Variants in OR7G2 observed in about 807,000 individuals in gnomAD.
The protein encoded by OR7G2 is olfactory receptor family 7 subfamily G member 2, also known as olfactory receptor 7G2.
For missense variants in OR7G2, 362 were observed against 384.0 expected (o/e 0.94, Z 0.48); for synonymous variants, 153 against 152.2 (o/e 1.01, Z -0.04).
At position 9,106,127 on chromosome 19, in the gene OR7G2, T is replaced by G. The variant is rs757231715; in HGVS notation, c.-17+1187A>C. Among the ~76,000 whole-genome samples the G allele has an allele frequency of 9.9e-5, 15 of 151,436 alleles. 1 individual carries two copies. Among genetic ancestry groups the G allele is most frequent in the African/African-American group, 2.2e-4 (9 of 41,226 alleles). ...CTACCCATCAGTCAACGATATAAGATTCACACAAGGCCAGGCGTGGTGGCT... is the reference window on the plus strand; with the variant it reads ...CTACCCATCAGTCAACGATATAAGAGTCACACAAGGCCAGGCGTGGTGGCT... On this transcript the variant is annotated intron_variant, in intron 1 of 1. Coordinates refer to ENST00000641081, the MANE Select transcript of OR7G2 (RefSeq NM_001005193.2).
Position 9,102,375 on chromosome 19 carries a change from T to C in OR7G2, c.869A>G (p.Tyr290Cys), listed in dbSNP as rs772683614. Residue 290 changes from tyrosine (Y) to cysteine (C), a missense_variant, in exon 2 of 2, where the codon TAT becomes TGT. Transcript: ENST00000641081. ...TTTCATGTCCTTATTCCTCAGACTA[T>C]AGATAAAGGGGTTCACCATTTGAGG... ...VFPQMVNPFI[Y>C]SLRNKDMKGT... is the part of the protein sequence containing the mutation. 2.1e-5 allele frequency: 34 copies of C among 1,613,684 alleles called. No individual in the cohort carries two copies. The highest frequency in any genetic ancestry group is 2.8e-5 in the Non-Finnish European group (33 of 1,179,730).
intron 1 of OR7G2, among the ~76,000 whole-genome samples, chr19:9,104,588 G>A (rs991339577): frequency 2.0e-5 from 3 of 151,990 alleles, no homozygotes; most frequent in Admixed American, 6.6e-5. Flanking sequence ...AGCACTTTGG[G>A]AGGCCGAGGC....
chr19:9,103,872 T>G (rs1204610273), intron 1 of OR7G2, among the ~76,000 whole-genome samples: 4 of 148,078 alleles, frequency 2.7e-5, no homozygotes, highest in African/African-American at 5.0e-5. Flanking sequence ...AAATGTTTTT[T>G]TTTTTTTTTT....
chr19:9,102,563 T>G lies in OR7G2; in HGVS notation c.681A>C (p.Arg227Ser). 1 of 1,614,192 alleles carries G rather than the reference T, an allele frequency of 6.2e-7. No homozygotes were observed. Among genetic ancestry groups the G allele is most frequent in the Non-Finnish European group, 8.5e-7 (1 of 1,180,032 alleles). Residue 227 changes from arginine (R) to serine (S), a missense_variant, in exon 2 of 2, where the codon AGA becomes AGC. By Grantham distance (110) the Arg-to-Ser change is moderately radical. Transcript: ENST00000641081. ...TGTGCTTTCCACTTGCTGATGGCAT[T>G]CTCAAAACACAGGAGGTGATCTGAG... ...SYTQITSCVL[R>S]MPSASGKHKA... is the part of the protein sequence containing the mutation.
In OR7G2 at chr19:9,102,625, C is replaced by A. The variant is rs770594493; in HGVS notation, c.619G>T (p.Gly207Cys). 6.2e-7 allele frequency: 1 copy of A among 1,614,150 alleles called. No individual in the cohort carries two copies. The highest frequency in any genetic ancestry group is 1.1e-5 in the South Asian group (1 of 91,078). ...ATGATTCCAGACAGAGGAACACCAC[C>A]AAATATGCAAGCTGCAAAATATATC... is the stretch of plus-strand genomic sequence containing the variant. Reference protein sequence around the residue: ...ILIYFAACIFGGVPLSGIILS... With the variant: ...ILIYFAACIFCGVPLSGIILS... Residue 207 changes from glycine to cysteine, a missense_variant, in exon 2 of 2, where the codon GGT becomes TGT. By Grantham distance (159) the Gly-to-Cys change is radical. Coordinates refer to ENST00000641081, the MANE Select transcript of OR7G2 (RefSeq NM_001005193.2).
chr19:9,106,442 T>A lies in OR7G2; in HGVS notation c.-17+872A>T, dbSNP rs2050386677. Among the ~76,000 whole-genome samples the A allele has an allele frequency of 3.1e-5, 4 of 127,752 alleles. No homozygotes were observed. The South Asian group carries it at 1.0e-3, about 33-fold the overall frequency. 83.8% of individuals were successfully genotyped at this position (127,752 alleles called of 152,430 possible). A position where few individuals can be genotyped will look rare whatever the true frequency, so the allele number is the denominator to read the frequency against. ...TGTGTCTCAAAAAAAAAAAAAAAAA[T>A]TCACACAATTCACCATCCTTGATTA... On this transcript the variant is annotated intron_variant, in intron 1 of 1. Coordinates refer to ENST00000641081, the MANE Select transcript of OR7G2 (RefSeq NM_001005193.2).
chr19:9,105,644 C>T (rs1285152465), intron 1 of OR7G2, among the ~76,000 whole-genome samples: 3 of 151,698 alleles, frequency 2.0e-5, no homozygotes, highest in South Asian at 2.1e-4. Context: ...GTCAGGAGTT[C>T]GAGACCAGCC....
chr19:9,105,421 G>A (rs1215354164), intron 1 of OR7G2, among the ~76,000 whole-genome samples: 1 of 152,178 alleles, frequency 6.6e-6, no homozygotes, highest in Admixed American at 6.5e-5. Flanking sequence ...TCCCTCTGAT[G>A]CAAGATTGGT....
rs2050357665 is a variant in OR7G2 at position 9,102,229 on chromosome 19, G to A, written c.*40C>T. ...AGAAAAAAACAAAACAAAACAAAGA[G>A]TCAGGCATTCTAGCTCACCAGGAAT... is the stretch of plus-strand genomic sequence containing the variant. On this transcript the variant is annotated 3_prime_UTR_variant, in exon 2 of 2. Transcript: ENST00000641081. 6.5e-7 allele frequency: 1 copy of A among 1,528,608 alleles called. No individual in the cohort carries two copies. The highest frequency in any genetic ancestry group is 8.8e-7 in the Non-Finnish European group (1 of 1,134,354). 94.7% of individuals were successfully genotyped at this position (1,528,608 alleles called of 1,614,324 possible).
chr19:9,103,318 A>G lies in OR7G2; in HGVS notation c.-16-59T>C, dbSNP rs760203258. 10 of 1,592,966 alleles carry G rather than the reference A, an allele frequency of 6.3e-6. No individual in the cohort carries two copies. In the South Asian group the frequency reaches 7.8e-5, roughly 12 times the overall value. On this transcript the variant is annotated intron_variant, in intron 1 of 1. Coordinates refer to ENST00000641081, the MANE Select transcript of OR7G2 (RefSeq NM_001005193.2). ...AGCTGCATCGGCATCACTCGAGAAC[A>G]TGACAGAAACGCAAAATCTTGCTCC...
Position 9,102,703 on chromosome 19 carries a change from G to A in OR7G2, c.541C>T (p.Leu181=), listed in dbSNP as rs2050361681. Residue 181 remains leucine (L), a synonymous_variant, in exon 2 of 2, where the codon CTG becomes TTG. Coordinates refer to ENST00000641081, the MANE Select transcript of OR7G2 (RefSeq NM_001005193.2). The part of the protein sequence containing the change: ...DLEIPLFFCE[L]AQVIQLTCSD... The stretch of plus-strand genomic sequence containing the variant: ...CAGGTGAGTTGGATGACCTGAGCCA[G>A]TTCACAGAAGAAGAGCGGGATTTCC... 1.2e-6 allele frequency: 2 copies of A among 1,614,202 alleles called. No homozygotes were observed. The highest frequency in any genetic ancestry group is 1.7e-6 in the Non-Finnish European group (2 of 1,180,042).
Position 9,103,046 on chromosome 19 carries a change from G to A in OR7G2, c.198C>T (p.Leu66=). The change falls in exon 2 of 2, where the codon CTC becomes CTT. Residue 66 remains leucine (L), a synonymous_variant. Transcript: ENST00000641081. ...HTPMYFFLSN[L]SFLDICLSTT... ...TGCTTAAACAAATGTCCAAAAAGGAGAGATTGGAGAGGAAGAAGTACATGG... is the reference window on the plus strand; with the variant it reads ...TGCTTAAACAAATGTCCAAAAAGGAAAGATTGGAGAGGAAGAAGTACATGG... 6.2e-7 allele frequency: 1 copy of A among 1,614,128 alleles called. No individual in the cohort carries two copies. The highest frequency in any genetic ancestry group is 8.5e-7 in the Non-Finnish European group (1 of 1,180,016).
rs1484501687 is a variant in OR7G2 at position 9,100,991 on chromosome 19, G to C, written c.*1278C>G. ...CATCTCTACACCACACCCCACACTG[G>C]ACGTGGTGGTGCATGCCTGGAGTCC... On this transcript the variant is annotated 3_prime_UTR_variant, in exon 2 of 2. Transcript: ENST00000641081. 1 of 152,106 alleles carries C rather than the reference G, an allele frequency of 6.6e-6. No individual in the cohort carries two copies. Among genetic ancestry groups the C allele is most frequent in the African/African-American group, 2.4e-5 (1 of 41,398 alleles). The allele number at this position is 152,106 out of a possible 1,614,324, so 9.4% of individuals were successfully genotyped here. A position where few individuals can be genotyped will look rare whatever the true frequency, so the allele number is the denominator to read the frequency against.
chr19:9,103,501 CTTTTTTTTT>C (rs201971532), intron 1 of OR7G2, among the ~76,000 whole-genome samples: 41,086 of 119,856 alleles, frequency 0.34, 6,711 homozygotes, highest in East Asian at 0.62. Context: ...ATGTGGAAAT[CTTTTTTTTT>C]TTTTTTTTTT....
Position 9,103,073 on chromosome 19 carries a change from G to T in OR7G2, c.171C>A (p.Thr57=), listed in dbSNP as rs749097041. The T allele has an allele frequency of 1.2e-6, 2 of 1,614,026 alleles. No individual in the cohort carries two copies. Among genetic ancestry groups the T allele is most frequent in the Admixed American group, 3.3e-5 (2 of 59,992 alleles). ...GATTGGAGAGGAAGAAGTACATGGG[G>T]GTGTGGAGGTGAGAGTCAGAGATGA... ...LAVISDSHLH[T]PMYFFLSNLS... Residue 57 remains threonine, a synonymous_variant, in exon 2 of 2, where the codon ACC becomes ACA. Transcript: ENST00000641081.
intron 1 of OR7G2, among the ~76,000 whole-genome samples, chr19:9,104,015 G>A (rs1749218475): frequency 6.6e-6 from 1 of 151,362 alleles, no homozygotes; most frequent in Non-Finnish European, 1.5e-5. Flanking sequence ...GGTTACAGGT[G>A]CACAGCACCA....
rs936457539 is a variant in OR7G2 at position 9,100,789 on chromosome 19, C to A, written c.*1480G>T. 1 of 152,138 alleles carries A rather than the reference C, an allele frequency of 6.6e-6. No individual in the cohort carries two copies. The highest frequency in any genetic ancestry group is 2.4e-5 in the African/African-American group (1 of 41,428). The allele number at this position is 152,138 out of a possible 1,614,324, so 9.4% of individuals were successfully genotyped here. ...CTACACTGGGGTGCAATTGACAAGA[C>A]CCTAAATACGCAATAAGGTGGAAGC... On this transcript the variant is annotated 3_prime_UTR_variant, in exon 2 of 2. Coordinates refer to ENST00000641081, the MANE Select transcript of OR7G2 (RefSeq NM_001005193.2).
In OR7G2 at chr19:9,102,626, A is replaced by G. The variant is rs773694953; in HGVS notation, c.618T>C (p.Phe206=). The change falls in exon 2 of 2, where the codon TTT becomes TTC. Residue 206 remains phenylalanine (F), a synonymous_variant. Coordinates refer to ENST00000641081, the MANE Select transcript of OR7G2 (RefSeq NM_001005193.2). ...NILIYFAACI[F]GGVPLSGIIL... ...TGATTCCAGACAGAGGAACACCACCAAATATGCAAGCTGCAAAATATATCA... is the reference window on the plus strand; with the variant it reads ...TGATTCCAGACAGAGGAACACCACCGAATATGCAAGCTGCAAAATATATCA... 1 of 1,614,210 alleles carries G rather than the reference A, an allele frequency of 6.2e-7. No homozygotes were observed. Among genetic ancestry groups the G allele is most frequent in the South Asian group, 1.1e-5 (1 of 91,086 alleles).
intron 1 of OR7G2, among the ~76,000 whole-genome samples, chr19:9,106,951 T>G (rs2145913277): frequency 6.6e-6 from 1 of 152,100 alleles, no homozygotes; most frequent in Middle Eastern, 3.4e-3. Context: ...ACATCTATAA[T>G]CCGGGTCCTT....
Sources: gnomAD v4.1 joint callset for allele counts (sites outside exome capture counted in the v4.1 genomes callset) on GRCh38, gnomAD v4.1.1 for gene constraint, MANE v1.5 for transcripts, NCBI Gene and HGNC (gene_info 2026-07-23, HGNC 2026-07-21) for gene names.